The following FARP1 variants were observed in gnomAD, a reference collection of about 807,000 sequenced individuals.
The protein encoded by FARP1 is FERM, ARHGEF and pleckstrin domain-containing protein 1.
Under a neutral mutation model 128.8 loss-of-function variants are expected in FARP1, and 52 were observed. That is an observed-to-expected ratio of 0.40 (90% CI 0.32 to 0.51). FARP1 has a LOEUF of 0.51. Ranked by LOEUF, FARP1 falls within the 20% of genes least tolerant of loss-of-function variation. FARP1 has a pLI of 0.45. For missense variants in FARP1, 1,333 were observed against 1,367.9 expected, an observed-to-expected ratio of 0.97 and a Z score of 0.40; for synonymous variants, 580 against 551.8, an observed-to-expected ratio of 1.05 and a Z score of -0.72.
intron 13 of FARP1, chr13:98,397,154 A>G (rs1191581136): frequency 1.3e-5 from 2 of 152,222 alleles, no homozygotes; most frequent in Non-Finnish European, 2.9e-5. Flanking sequence ...GTGATCTACT[A>G]GGGATTGCTG....
At chr13:98,217,494 T>G (rs1013048177) in intron 2 of FARP1, among the ~76,000 whole-genome samples, 1 of 152,206 alleles carries the variant, frequency 6.6e-6, no homozygotes, top group Non-Finnish European at 1.5e-5. Context: ...TTTCTCGTGT[T>G]GCTGTCTTGT....
At chr13:98,250,502 C>A (rs1014932400) in intron 2 of FARP1, among the ~76,000 whole-genome samples, 3 of 152,104 alleles carry the variant, frequency 2.0e-5, no homozygotes, top group Non-Finnish European at 4.4e-5. Flanking sequence ...GCGGGTGGAT[C>A]ACGAGGTCAA....
intron 1 of FARP1, among the ~76,000 whole-genome samples, chr13:98,191,119 GC>G (rs1369207764): frequency 6.6e-6 from 1 of 152,164 alleles, no homozygotes; most frequent in Non-Finnish European, 1.5e-5. Context: ...GAACTCCCGG[GC>G]CTACCCCAGC....
Position 98,452,983 on chromosome 13 carries a change from T to C in FARP1, c.*4666T>C. 1.9e-6 allele frequency: 1 copy of C among 531,922 alleles called. No homozygotes were observed. Among genetic ancestry groups the C allele is most frequent in the South Asian group, 2.9e-5 (1 of 34,160 alleles). The allele number at this position is 531,922 out of a possible 1,614,324, so 33.0% of individuals were successfully genotyped here. A position where few individuals can be genotyped will look rare whatever the true frequency, so the allele number is the denominator to read the frequency against. On this transcript the variant is annotated 3_prime_UTR_variant, in exon 27 of 27. Transcript: ENST00000319562. The stretch of plus-strand genomic sequence containing the variant: ...GGAAGGAGCTGACCCTCCCCACCCA[T>C]CTGAGAGACTTCATCTGGCTGCAGC...
At chr13:98,386,080 T>C in intron 8 of FARP1, 2 of 408,714 alleles carry the variant, frequency 4.9e-6, no homozygotes, top group Middle Eastern at 6.8e-4. Context: ...AACATGTAGC[T>C]CTCCATGGAC....
intron 16 of FARP1, among the ~76,000 whole-genome samples, chr13:98,413,252 T>C (rs2140123579): frequency 6.6e-6 from 1 of 152,242 alleles, no homozygotes; most frequent in East Asian, 1.9e-4. Context: ...ACAGCCAGAA[T>C]TGGAGAAATA....
At chr13:98,255,829 G>A (rs754063821) in intron 2 of FARP1, among the ~76,000 whole-genome samples, 3 of 152,226 alleles carry the variant, frequency 2.0e-5, no homozygotes, top group Non-Finnish European at 2.9e-5. Flanking sequence ...ATGTCAGGCA[G>A]AGCTCATGTG....
At chr13:98,213,544 C>A in intron 2 of FARP1, 131 bp downstream of exon 2, 1 of 921,656 alleles carries the variant, frequency 1.1e-6, no homozygotes, top group Non-Finnish European at 1.6e-6. Flanking sequence ...ACCTCCCTCC[C>A]CGCCCCCCAA....
chr13:98,165,609 C>T (rs1877189196), intron 1 of FARP1, among the ~76,000 whole-genome samples: 1 of 143,526 alleles, frequency 7.0e-6, no homozygotes, highest in African/African-American at 2.6e-5. Flanking sequence ...CCCAACACTT[C>T]AGCATCATTA....
intron 3 of FARP1, among the ~76,000 whole-genome samples, chr13:98,346,716 G>C (rs1888194190): frequency 6.6e-6 from 1 of 152,114 alleles, no homozygotes; most frequent in Non-Finnish European, 1.5e-5. Flanking sequence ...CTGCACTCCA[G>C]TTTGGGTGAC....
chr13:98,421,819 C>T (rs551749772), intron 16 of FARP1, among the ~76,000 whole-genome samples: 1 of 152,060 alleles, frequency 6.6e-6, no homozygotes, highest in South Asian at 2.1e-4. Flanking sequence ...TACCACCACA[C>T]TCCACCCTGG....
At chr13:98,285,650 C>T (rs1348020486) in intron 2 of FARP1, among the ~76,000 whole-genome samples, 2 of 152,190 alleles carry the variant, frequency 1.3e-5, no homozygotes, top group African/African-American at 4.8e-5. Context: ...CGTATTTGGT[C>T]TCAACTGCTT....
chr13:98,200,397 C>G (rs867228041), intron 1 of FARP1, among the ~76,000 whole-genome samples: 4 of 143,512 alleles, frequency 2.8e-5, no homozygotes, highest in African/African-American at 7.8e-5. Flanking sequence ...ACCCCCCCCC[C>G]CTCCCCTTTG....
intron 2 of FARP1, among the ~76,000 whole-genome samples, chr13:98,236,071 G>A (rs9513377): frequency 6.6e-6 from 1 of 152,044 alleles, no homozygotes; most frequent in African/African-American, 2.4e-5. Context: ...TGATCTGCCC[G>A]CCTCGGCCTT....
At chr13:98,256,947 G>GGA (rs1311262982) in intron 2 of FARP1, among the ~76,000 whole-genome samples, 1 of 19,068 alleles carries the variant, frequency 5.2e-5, no homozygotes, top group East Asian at 2.1e-3. Context: ...GTATATATGT[G>GGA]GATATATATA....
chr13:98,432,760 G>C (rs1420051584), intron 18 of FARP1: 1 of 147,442 alleles, frequency 6.8e-6, no homozygotes, highest in Non-Finnish European at 1.5e-5. Flanking sequence ...CAGCTGCGCA[G>C]CGAGCACCTG....
intron 4 of FARP1, among the ~76,000 whole-genome samples, chr13:98,367,123 T>C (rs1889118919): frequency 4.1e-5 from 6 of 146,506 alleles, no homozygotes; most frequent in Admixed American, 1.4e-4. Flanking sequence ...AAAACTCCAA[T>C]GCAAATCACA....
At chr13:98,448,041 A>G in intron 26 of FARP1, 195 bp from the exon 27 acceptor site, 1 of 602,122 alleles carries the variant, frequency 1.7e-6, no homozygotes, top group Middle Eastern at 4.5e-4. Context: ...ACACTGAGTG[A>G]GTGCCCAGGC....
chr13:98,209,472 AT>A (rs534634730), intron 1 of FARP1, among the ~76,000 whole-genome samples: 11,853 of 106,314 alleles, frequency 0.11, 2,270 homozygotes, highest in African/African-American at 0.42. Context: ...GGGAGGAAAG[AT>A]TTTTTTTTTT....
Sources: gnomAD v4.1 joint callset for allele counts (sites outside exome capture counted in the v4.1 genomes callset) on GRCh38, gnomAD v4.1.1 for gene constraint, MANE v1.5 for transcripts, NCBI Gene and HGNC (gene_info 2026-07-23, HGNC 2026-07-21) for gene names.